CUBN: variants seen among roughly 807,000 people sequenced by gnomAD.
CUBN encodes the protein cubilin.
A neutral mutation model predicts 405.3 loss-of-function variants in CUBN; 282 were observed. The observed-to-expected ratio is 0.70, with a 90% CI of 0.63 to 0.77. The LOEUF (loss-of-function observed/expected upper bound fraction) is 0.77, where lower values mean the gene tolerates loss of function less well. Among genes scored for constraint, CUBN ranks in the 30% least tolerant of loss-of-function variants. The pLI is 0.00. For missense variants in CUBN, 4,514 were observed against 4,475.2 expected, an observed-to-expected ratio of 1.01 and a Z score of -0.25; for synonymous variants, 1,684 against 1,617.0, an observed-to-expected ratio of 1.04 and a Z score of -0.99.
At chr10:16,974,987 T>C (rs1411218679) in intron 31 of CUBN, among the ~76,000 whole-genome samples, 1 of 152,210 alleles carries the variant, frequency 6.6e-6, no homozygotes, top group East Asian at 1.9e-4. Flanking sequence ...TTTATGTTAA[T>C]GGTAAGCCTT....
At chr10:17,076,816 A>G (rs916004471) in intron 17 of CUBN, among the ~76,000 whole-genome samples, 2 of 152,220 alleles carry the variant, frequency 1.3e-5, no homozygotes, top group Admixed American at 1.3e-4. Flanking sequence ...GTGAAGGCAC[A>G]GGAAACTGAC....
At chr10:16,980,647 C>T (rs889044860) in intron 31 of CUBN, among the ~76,000 whole-genome samples, 7 of 152,138 alleles carry the variant, frequency 4.6e-5, no homozygotes, top group East Asian at 1.9e-4. Context: ...ACAATGAGAA[C>T]GCATGGACAC....
chr10:17,014,028 G>C (rs897919345), intron 28 of CUBN, among the ~76,000 whole-genome samples: 1 of 152,188 alleles, frequency 6.6e-6, no homozygotes, highest in African/African-American at 2.4e-5. Context: ...CGTATCTGAA[G>C]CACTGGTCCC....
intron 17 of CUBN, among the ~76,000 whole-genome samples, chr10:17,073,444 CTTTT>C (rs11349387): frequency 1.8e-5 from 2 of 109,766 alleles, no homozygotes. Flanking sequence ...ATAACCAGCT[CTTTT>C]TTTTTTTTTT....
At chr10:16,891,460 G>T (rs1157382830) in intron 54 of CUBN, among the ~76,000 whole-genome samples, 2 of 152,196 alleles carry the variant, frequency 1.3e-5, no homozygotes, top group African/African-American at 4.8e-5. Flanking sequence ...CAAGGAGGAA[G>T]GGGTGAGGAA....
intron 59 of CUBN, among the ~76,000 whole-genome samples, chr10:16,860,264 T>C (rs376293448): frequency 2.0e-5 from 3 of 152,060 alleles, no homozygotes; most frequent in African/African-American, 7.2e-5. Flanking sequence ...AAGCCAAATA[T>C]ATTCTTCAGG....
In CUBN at chr10:17,103,203, G is replaced by C; in HGVS notation, c.1452C>G (p.Ser484Arg). The part of the protein sequence containing the change: ...CGESLSGING[S>R]FSYRSPDVGY... The stretch of plus-strand genomic sequence containing the variant: ...CAACATCCGGGCTCCTGTAGCTGAA[G>C]CTTCCATTTATTCCTGAGAGGGACT... The change falls in exon 13 of 67, where the codon AGC becomes AGG. Residue 484 changes from serine to arginine, a missense_variant. Around this residue, in one of 5 missense-constraint regions of CUBN, gnomAD observed 1,448 missense variants for 1,388.0 expected, o/e 1.04. Transcript: ENST00000377833. 5 of 1,613,626 alleles carry C rather than the reference G, an allele frequency of 3.1e-6. No individual in the cohort carries two copies. The highest frequency in any genetic ancestry group is 4.2e-6 in the Non-Finnish European group (5 of 1,179,596).
intron 28 of CUBN, among the ~76,000 whole-genome samples, chr10:17,002,159 G>A (rs1039540394): frequency 1.1e-4 from 16 of 152,122 alleles, no homozygotes; most frequent in Non-Finnish European, 1.6e-4. Flanking sequence ...CAGGTTCTAC[G>A]CTGAACGTCA....
rs115335884 is a variant in CUBN at position 16,851,884 on chromosome 10, C to T, written c.9455-441G>A. 1.3e-3 allele frequency among the ~76,000 whole-genome samples: 174 copies of T among 137,530 alleles called. 2 individuals carry two copies. Among genetic ancestry groups the T allele is most frequent in the African/African-American group, 4.8e-3 (169 of 35,516 alleles). The allele number at this position is 137,530 out of a possible 152,430, so 90.2% of individuals were successfully genotyped here. ...TCCCTCTCTCCCTCTATCTTTCCCT[C>T]CCTCCATCTTTCCCTCCCTGACTCT... is the stretch of plus-strand genomic sequence containing the variant. On this transcript the variant is annotated intron_variant, in intron 59 of 66. Coordinates refer to ENST00000377833, the MANE Select transcript of CUBN (RefSeq NM_001081.4).
intron 28 of CUBN, among the ~76,000 whole-genome samples, chr10:17,000,079 T>C (rs1032668640): frequency 6.6e-6 from 1 of 152,272 alleles, no homozygotes; most frequent in African/African-American, 2.4e-5. Flanking sequence ...CCAGCCAGCC[T>C]GGGTCCTTAG....
chr10:16,980,666 G>C (rs1833242861), intron 31 of CUBN, among the ~76,000 whole-genome samples: 1 of 152,054 alleles, frequency 6.6e-6, no homozygotes, highest in African/African-American at 2.4e-5. Flanking sequence ...ACAGGGAGGG[G>C]AACATCACAC....
At chr10:16,837,481 G>A (rs1839207312) in intron 62 of CUBN, among the ~76,000 whole-genome samples, 1 of 151,994 alleles carries the variant, frequency 6.6e-6, no homozygotes, top group Non-Finnish European at 1.5e-5. Context: ...AAAGACTTGA[G>A]GTGTCTCAGC....
intron 31 of CUBN, among the ~76,000 whole-genome samples, chr10:16,977,001 A>G (rs1833118565): frequency 6.6e-6 from 1 of 152,220 alleles, no homozygotes; most frequent in Admixed American, 6.5e-5. Flanking sequence ...TGAGTTGAGT[A>G]ATCACAGTTG....
chr10:17,050,442 A>G (rs1264182326), intron 22 of CUBN, among the ~76,000 whole-genome samples: 1 of 152,198 alleles, frequency 6.6e-6, no homozygotes, highest in African/African-American at 2.4e-5. Flanking sequence ...TGATGCAAAG[A>G]TTAGAGTTGC....
At chr10:17,108,821 T>C (rs368972013) in intron 10 of CUBN, among the ~76,000 whole-genome samples, 6 of 152,032 alleles carry the variant, frequency 3.9e-5, no homozygotes, top group African/African-American at 1.2e-4. Context: ...AAAACACTTA[T>C]AAAACATAAG....
At chr10:17,029,215 G>C (rs1000631954) in intron 27 of CUBN, among the ~76,000 whole-genome samples, 1 of 152,204 alleles carries the variant, frequency 6.6e-6, no homozygotes, top group Non-Finnish European at 1.5e-5. Context: ...TTTGAAGGTT[G>C]GAACGTTGGT....
intron 48 of CUBN, 152 bp downstream of exon 48, chr10:16,913,659 T>G: frequency 1.2e-6 from 1 of 850,512 alleles, no homozygotes; most frequent in South Asian, 1.5e-5. Flanking sequence ...CAGGTTACTG[T>G]GATTTTGTTC....
At position 17,053,959 on chromosome 10, in the gene CUBN, A is replaced by G. The variant is rs1216375631; in HGVS notation, c.3140-6356T>C. Reference sequence around the variant, plus strand: ...TGAAAGTTAAATAATACATTTGCAAATAATCCATAGAACAAAGAAGAAATC... The same window carrying G: ...TGAAAGTTAAATAATACATTTGCAAGTAATCCATAGAACAAAGAAGAAATC... On this transcript the variant is annotated intron_variant, in intron 22 of 66. Transcript: ENST00000377833. Among the ~76,000 whole-genome samples the G allele has an allele frequency of 2.0e-5, 3 of 152,168 alleles. No homozygotes were observed. The East Asian group carries it at 5.8e-4, about 29-fold the overall frequency.
chr10:17,071,917 G>A lies in CUBN; in HGVS notation c.2356C>T (p.His786Tyr). Residue 786 changes from histidine to tyrosine, a missense_variant, in exon 18 of 67, where the codon CAC (histidine) becomes TAC (tyrosine). This residue lies in a region of CUBN where 1,448 missense variants were observed against 1,388.0 expected (regional missense o/e 1.04). Coordinates refer to ENST00000377833, the MANE Select transcript of CUBN (RefSeq NM_001081.4). ...ACACTATTAGTAATGGATTTAATGT[G>A]AGAGATGGTTCCGTTGCCACAGACT... is the stretch of plus-strand genomic sequence containing the variant. ...GKVCGNGTIS[H>Y]IKSITNSVWI... 6.2e-7 allele frequency: 1 copy of A among 1,613,216 alleles called. No homozygotes were observed.
Sources: allele counts gnomAD v4.1 joint callset (sites outside exome capture counted in the v4.1 genomes callset), GRCh38; gene constraint gnomAD v4.1.1; regional missense constraint gnomAD v4.1.1; transcripts MANE v1.5; gene names NCBI Gene and HGNC (gene_info 2026-07-23, HGNC 2026-07-21).